The following PRKCA variants were observed in gnomAD, a reference collection of about 807,000 sequenced individuals.
PRKCA encodes protein kinase C alpha type.
In PRKCA, 27 loss-of-function variants were observed where a neutral mutation model predicts 87.0. The ratio of observed to expected loss-of-function variants is 0.31; its 90% CI spans 0.23 to 0.43. The LOEUF (loss-of-function observed/expected upper bound fraction) is 0.43, where lower values mean the gene tolerates loss of function less well. Among genes scored for constraint, PRKCA ranks in the 20% least tolerant of loss-of-function variants. The probability of loss-of-function intolerance (pLI) is 1.00; values close to 1 mark genes in which losing one functional copy is unlikely to be tolerated. For synonymous variants in PRKCA, 329 were observed against 311.1 expected, an observed-to-expected ratio of 1.06 and a Z score of -0.61; for missense variants, 518 against 852.3, an observed-to-expected ratio of 0.61 and a Z score of 4.88.
At chr17:66,529,844 A>G (rs1030280090) in intron 3 of PRKCA, among the ~76,000 whole-genome samples, 2 of 152,182 alleles carry the variant, frequency 1.3e-5, no homozygotes, top group Non-Finnish European at 2.9e-5. Context: ...AAGCCTCAAA[A>G]TAAGCTGCTG....
chr17:66,315,586 TCTC>T lies in PRKCA; in HGVS notation c.205+9462_205+9464del, dbSNP rs1442759886. On this transcript the variant is annotated intron_variant, in intron 2 of 16. Coordinates refer to ENST00000413366, the MANE Select transcript of PRKCA (RefSeq NM_002737.3). ...CCTCCGTCTCCTGGGTTCAAGCAAT[TCTC>T]CTGTCTCAGCCTCCCGAGTAGCTGG... 3.3e-5 allele frequency among the ~76,000 whole-genome samples: 5 copies of T among 152,094 alleles called. No homozygotes were observed. In the East Asian group the frequency reaches 9.7e-4, roughly 29 times the overall value.
At chr17:66,651,906 C>T (rs1266812941) in intron 5 of PRKCA, among the ~76,000 whole-genome samples, 1 of 152,160 alleles carries the variant, frequency 6.6e-6, no homozygotes. Context: ...ACTTGATGAA[C>T]AGCAACCTCC....
rs1038167492 is a variant in PRKCA at position 66,310,446 on chromosome 17, A to G, written c.205+4319A>G. 7.9e-5 allele frequency among the ~76,000 whole-genome samples: 12 copies of G among 152,224 alleles called. No homozygotes were observed. The East Asian group carries it at 2.3e-3, about 29-fold the overall frequency. Reference sequence around the variant, plus strand: ...AATGATGCTACTAAAGTTGTTTTGAATCTTGAGTCATTTCCCTGCTAAGAA... The same window carrying G: ...AATGATGCTACTAAAGTTGTTTTGAGTCTTGAGTCATTTCCCTGCTAAGAA... On this transcript the variant is annotated intron_variant, in intron 2 of 16. Coordinates refer to ENST00000413366, the MANE Select transcript of PRKCA (RefSeq NM_002737.3).
chr17:66,492,216 G>C (rs575375585), intron 2 of PRKCA, among the ~76,000 whole-genome samples: 6 of 152,272 alleles, frequency 3.9e-5, no homozygotes, highest in Non-Finnish European at 7.4e-5. Context: ...TAAGGTAGGT[G>C]GGGAGGGGGT....
intron 16 of PRKCA, among the ~76,000 whole-genome samples, chr17:66,791,522 G>A (rs1975535719): frequency 6.6e-6 from 1 of 152,226 alleles, no homozygotes; most frequent in South Asian, 2.1e-4. Flanking sequence ...CAAGGGCAGA[G>A]AGATAAATGG....
At chr17:66,672,721 G>A (rs531890669) in intron 5 of PRKCA, among the ~76,000 whole-genome samples, 2 of 152,278 alleles carry the variant, frequency 1.3e-5, no homozygotes, top group East Asian at 3.9e-4. Context: ...CCCAAACAGG[G>A]AATTGATTAA....
intron 5 of PRKCA, among the ~76,000 whole-genome samples, chr17:66,663,048 A>G (rs779700156): frequency 1.3e-5 from 2 of 152,230 alleles, no homozygotes; most frequent in Non-Finnish European, 2.9e-5. Context: ...TGGAGGAAGG[A>G]TACCCTTGCC....
chr17:66,742,709 T>C lies in PRKCA; in HGVS notation c.1473T>C (p.Asp491=). Residue 491 remains aspartate, a synonymous_variant, in exon 13 of 17, where the codon GAT becomes GAC. Transcript: ENST00000413366. ...DFGMCKEHMM[D]GVTTRTFCGT... is the part of the protein sequence containing the mutation. ...GGATGTGCAAGGAACACATGATGGA[T>C]GGAGTCACGACCAGGACCTTCTGTG... 6.2e-7 allele frequency: 1 copy of C among 1,614,174 alleles called. No individual in the cohort carries two copies. The highest frequency in any genetic ancestry group is 1.1e-5 in the South Asian group (1 of 91,082).
intron 8 of PRKCA, 39 bp from the exon 9 acceptor site, chr17:66,732,649 A>T (rs749613260): frequency 6.2e-7 from 1 of 1,612,956 alleles, no homozygotes; most frequent in Non-Finnish European, 8.5e-7. Flanking sequence ...TTCCCCAGAA[A>T]AATGACCCAC....
intron 3 of PRKCA, among the ~76,000 whole-genome samples, chr17:66,567,112 G>A (rs1567903658): frequency 1.3e-5 from 2 of 152,266 alleles, no homozygotes; most frequent in Middle Eastern, 3.4e-3. Context: ...TTCTGCTACC[G>A]TAAGGAAAAT....
chr17:66,775,689 T>C lies in PRKCA; in HGVS notation c.1605+1622T>C, dbSNP rs1000052018. Reference sequence around the variant, plus strand: ...AGAGCCACCCCCAAAGACATCTTTGTTTCTGGGGAAAAAGTCTTCCCTTCC... The same window carrying C: ...AGAGCCACCCCCAAAGACATCTTTGCTTCTGGGGAAAAAGTCTTCCCTTCC... On this transcript the variant is annotated intron_variant, in intron 14 of 16. Transcript: ENST00000413366. 7.1e-6 allele frequency: 7 copies of C among 985,324 alleles called. No homozygotes were observed. The African/African-American group carries it at 1.2e-4, about 17-fold the overall frequency. The allele number at this position is 985,324 out of a possible 1,614,324, so 61.0% of individuals were successfully genotyped here. A position where few individuals can be genotyped will look rare whatever the true frequency, so the allele number is the denominator to read the frequency against.
At chr17:66,365,037 A>C (rs1908619868) in intron 2 of PRKCA, among the ~76,000 whole-genome samples, 1 of 152,232 alleles carries the variant, frequency 6.6e-6, no homozygotes, top group Non-Finnish European at 1.5e-5. Flanking sequence ...AGAATCTTTG[A>C]AAAGACACAT....
At chr17:66,562,465 G>A (rs1301914173) in intron 3 of PRKCA, among the ~76,000 whole-genome samples, 1 of 151,972 alleles carries the variant, frequency 6.6e-6, no homozygotes, top group African/African-American at 2.4e-5. Context: ...CACCTAAGGG[G>A]AAACTCATCT....
chr17:66,778,330 A>G, intron 14 of PRKCA: 1 of 604,704 alleles, frequency 1.7e-6, no homozygotes, highest in Non-Finnish European at 2.1e-6. Flanking sequence ...TGGCTAACAC[A>G]GTGAAACCCC....
intron 10 of PRKCA, among the ~76,000 whole-genome samples, chr17:66,736,057 T>A (rs896243337): frequency 9.9e-5 from 15 of 151,562 alleles, no homozygotes; most frequent in African/African-American, 3.4e-4. Context: ...ATTTTTGTAT[T>A]TTTAGTAGAG....
At chr17:66,319,696 A>G (rs1216043102) in intron 2 of PRKCA, among the ~76,000 whole-genome samples, 8 of 152,000 alleles carry the variant, frequency 5.3e-5, no homozygotes, top group Admixed American at 6.6e-5. Context: ...TTATATATTC[A>G]TAGGTGGTAG....
At chr17:66,779,686 A>G (rs2144354219) in intron 14 of PRKCA, among the ~76,000 whole-genome samples, 1 of 152,212 alleles carries the variant, frequency 6.6e-6, no homozygotes, top group African/African-American at 2.4e-5. Flanking sequence ...CAAAATGTGA[A>G]CCATCACTCC....
chr17:66,657,979 C>G (rs1171539979), intron 5 of PRKCA, among the ~76,000 whole-genome samples: 1 of 152,174 alleles, frequency 6.6e-6, no homozygotes, highest in Admixed American at 6.5e-5. Context: ...GTGCATTAGT[C>G]TATTCTCATT....
intron 5 of PRKCA, among the ~76,000 whole-genome samples, chr17:66,670,310 A>G (rs9907013): frequency 0.11 from 16,174 of 152,278 alleles, 940 homozygotes; most frequent in Middle Eastern, 0.18. Context: ...GAAAACAGCT[A>G]TCAAAACTGT....
Sources: allele counts gnomAD v4.1 joint callset (sites outside exome capture counted in the v4.1 genomes callset), GRCh38; gene constraint gnomAD v4.1.1; transcripts MANE v1.5; gene names NCBI Gene and HGNC (gene_info 2026-07-23, HGNC 2026-07-21).